The following GALNTL6 variants were observed in gnomAD, a reference collection of about 807,000 sequenced individuals.
The protein encoded by GALNTL6 is polypeptide N-acetylgalactosaminyltransferase-like 6.
A neutral mutation model predicts 73.7 loss-of-function variants in GALNTL6; 46 were observed. The observed-to-expected ratio is 0.62, with a 90% confidence interval of 0.49 to 0.80. The LOEUF is 0.80. Ranked by LOEUF, GALNTL6 falls within the 30% of genes least tolerant of loss-of-function variation. The probability of loss-of-function intolerance (pLI) is 0.00; values close to 1 mark genes in which losing one functional copy is unlikely to be tolerated. For synonymous variants in GALNTL6, 259 were observed against 263.7 expected (o/e 0.98, Z 0.17); for missense variants, 604 against 755.0 (o/e 0.80, Z 2.34).
chr4:172,371,275 T>C (rs1044775906), intron 5 of GALNTL6, among the ~76,000 whole-genome samples: 4 of 152,210 alleles, frequency 2.6e-5, no homozygotes, highest in African/African-American at 7.2e-5. Context: ...GGTCGGAACT[T>C]CCTATGGTAA....
chr4:172,935,297 CT>C (rs1414500079), intron 9 of GALNTL6, among the ~76,000 whole-genome samples: 3 of 152,168 alleles, frequency 2.0e-5, no homozygotes, highest in African/African-American at 7.2e-5. Flanking sequence ...CTGTATACTG[CT>C]GTATTTCACC....
At chr4:172,460,738 G>A (rs1253643139) in intron 5 of GALNTL6, among the ~76,000 whole-genome samples, 3 of 152,204 alleles carry the variant, frequency 2.0e-5, no homozygotes, top group Non-Finnish European at 2.9e-5. Context: ...AGAGCATGTG[G>A]AGAAATAGGA....
rs1284770810 is a variant in GALNTL6, at chr4:172,039,739, G to T, written c.139-189917G>T. 2.0e-5 allele frequency among the ~76,000 whole-genome samples: 3 copies of T among 152,098 alleles called. No individual in the cohort carries two copies. In the East Asian group the frequency reaches 5.8e-4, roughly 29 times the overall value. ...AGATGGGCAAAATGTTTAAACTAAG[G>T]TTAAGAAGATTAACCAATAGCATAA... On this transcript the variant is annotated intron_variant, in intron 2 of 12. Coordinates refer to ENST00000506823, the MANE Select transcript of GALNTL6 (RefSeq NM_001034845.3).
chr4:172,300,332 A>G (rs952787101), intron 3 of GALNTL6, among the ~76,000 whole-genome samples: 2 of 152,036 alleles, frequency 1.3e-5, no homozygotes, highest in African/African-American at 2.4e-5. Flanking sequence ...CAAATTTACC[A>G]GTCTGTGTCT....
rs1748317539 is a variant in GALNTL6 at position 172,931,187 on chromosome 4, T to C, written c.1068T>C (p.Phe356=). The C allele has an allele frequency of 1.2e-6, 2 of 1,609,112 alleles. No homozygotes were observed. The highest frequency in any genetic ancestry group is 2.7e-5 in the African/African-American group (2 of 74,818). The change falls in exon 9 of 13, where the codon TTT becomes TTC. Residue 356 remains phenylalanine (F), a synonymous_variant. Coordinates refer to ENST00000506823, the MANE Select transcript of GALNTL6 (RefSeq NM_001034845.3). Reference sequence around the variant, plus strand: ...TTTGGATGTGTGGAGGAGAAATGTTTGATGTTCCATGTTCTAGAGTTGGTC... The same window carrying C: ...TTTGGATGTGTGGAGGAGAAATGTTCGATGTTCCATGTTCTAGAGTTGGTC... ...FKVWMCGGEM[F]DVPCSRVGHI... is the part of the protein sequence containing the mutation.
At chr4:172,307,025 A>T (rs1357908539) in intron 3 of GALNTL6, among the ~76,000 whole-genome samples, 1 of 152,178 alleles carries the variant, frequency 6.6e-6, no homozygotes, top group African/African-American at 2.4e-5. Flanking sequence ...TTAGTTCTTT[A>T]AAAAATTTCC....
At chr4:171,856,795 T>C (rs79788107) in intron 2 of GALNTL6, among the ~76,000 whole-genome samples, 1,797 of 152,356 alleles carry the variant, frequency 0.012, 57 homozygotes, top group East Asian at 0.11. Flanking sequence ...TTGATTTGTA[T>C]AGAATAATCT....
intron 5 of GALNTL6, among the ~76,000 whole-genome samples, chr4:172,402,601 A>G (rs1744081387): frequency 6.6e-6 from 1 of 152,142 alleles, no homozygotes; most frequent in Non-Finnish European, 1.5e-5. Context: ...GCCACCAGAA[A>G]TAGAAAGGAT....
chr4:172,311,079 A>G (rs1034756876), intron 3 of GALNTL6, among the ~76,000 whole-genome samples: 2 of 152,214 alleles, frequency 1.3e-5, no homozygotes, highest in East Asian at 3.9e-4. Flanking sequence ...GTGTCTCAGG[A>G]TGTGTCAAAA....
intron 5 of GALNTL6, among the ~76,000 whole-genome samples, chr4:172,634,198 A>G (rs1739541313): frequency 6.6e-6 from 1 of 152,122 alleles, no homozygotes; most frequent in South Asian, 2.1e-4. Context: ...TAAATTATTC[A>G]TGTTATGCTT....
chr4:172,622,390 A>G (rs981797235), intron 5 of GALNTL6, among the ~76,000 whole-genome samples: 1 of 152,216 alleles, frequency 6.6e-6, no homozygotes, highest in Non-Finnish European at 1.5e-5. Flanking sequence ...AAAATTATGT[A>G]AGATTTCATA....
At chr4:172,445,003 A>C (rs1444196662) in intron 5 of GALNTL6, among the ~76,000 whole-genome samples, 1 of 152,172 alleles carries the variant, frequency 6.6e-6, no homozygotes, top group Non-Finnish European at 1.5e-5. Context: ...TCATTAAGCT[A>C]TGAATTTAGG....
chr4:172,961,519 C>A (rs1009538502), intron 10 of GALNTL6, among the ~76,000 whole-genome samples: 2 of 152,190 alleles, frequency 1.3e-5, no homozygotes, highest in Non-Finnish European at 2.9e-5. Flanking sequence ...AATAATCAGG[C>A]AGGCATCCCC....
intron 5 of GALNTL6, among the ~76,000 whole-genome samples, chr4:172,649,696 A>G (rs1368577506): frequency 1.3e-5 from 2 of 152,222 alleles, no homozygotes; most frequent in Non-Finnish European, 2.9e-5. Flanking sequence ...TAATAAGTTA[A>G]TTAAGTACGA....
At chr4:171,947,651 G>A (rs1222074926) in intron 2 of GALNTL6, among the ~76,000 whole-genome samples, 2 of 152,122 alleles carry the variant, frequency 1.3e-5, no homozygotes, top group East Asian at 3.9e-4. Flanking sequence ...CTGAAAGCTG[G>A]CATGACAAAG....
At chr4:172,952,656 T>C (rs947514684) in intron 10 of GALNTL6, among the ~76,000 whole-genome samples, 3 of 152,072 alleles carry the variant, frequency 2.0e-5, no homozygotes, top group East Asian at 1.9e-4. Context: ...GCTGGAATTA[T>C]AGGTGCACAC....
Position 172,417,689 on chromosome 4 carries a change from A to T in GALNTL6, c.553+69000A>T, listed in dbSNP as rs528826905. On this transcript the variant is annotated intron_variant, in intron 5 of 12. Coordinates refer to ENST00000506823, the MANE Select transcript of GALNTL6 (RefSeq NM_001034845.3). ...AAAATTAAAATTTAAATTGAAAAAG[A>T]TATTGCGATTGTTTTTCTGTCACTA... 5.3e-5 allele frequency among the ~76,000 whole-genome samples: 8 copies of T among 152,188 alleles called. No homozygotes were observed. In the South Asian group the frequency reaches 1.7e-3, roughly 32 times the overall value.
intron 5 of GALNTL6, among the ~76,000 whole-genome samples, chr4:172,546,976 T>G (rs577334713): frequency 6.6e-6 from 1 of 151,352 alleles, no homozygotes. Flanking sequence ...TGAAACTCTA[T>G]GCGTTCAACA....
intron 9 of GALNTL6, among the ~76,000 whole-genome samples, chr4:172,935,218 C>T (rs1748547960): frequency 6.6e-6 from 1 of 152,152 alleles, no homozygotes; most frequent in African/African-American, 2.4e-5. Flanking sequence ...CAGCCACCCT[C>T]GCCAATACAA....
Sources: allele counts gnomAD v4.1 joint callset (sites outside exome capture counted in the v4.1 genomes callset), GRCh38; gene constraint gnomAD v4.1.1; transcripts MANE v1.5; gene names NCBI Gene and HGNC (gene_info 2026-07-23, HGNC 2026-07-21).